The following GOLGB1 variants were observed in gnomAD, a reference collection of about 807,000 sequenced individuals.
GOLGB1 encodes the protein golgin subfamily B member 1.
GOLGB1 carries 174 observed loss-of-function variants against 336.9 expected under a neutral mutation model. The ratio of observed to expected loss-of-function variants is 0.52; its 90% CI spans 0.46 to 0.59. GOLGB1 has a LOEUF of 0.59. Ranked by LOEUF, GOLGB1 falls within the 20% of genes least tolerant of loss-of-function variation. The pLI is 0.00. For synonymous variants in GOLGB1, 1,208 were observed against 1,289.2 expected, an observed-to-expected ratio of 0.94 and a Z score of 1.35; for missense variants, 3,331 against 3,645.3, an observed-to-expected ratio of 0.91 and a Z score of 2.22.
chr3:121,694,342 A>G lies in GOLGB1; in HGVS notation c.6181T>C (p.Leu2061=), dbSNP rs746175109. ...EFVQTESQKD[L]EITKENLAQA... The stretch of plus-strand genomic sequence containing the variant: ...GCCAGATTTTCTTTGGTTATTTCCA[A>G]ATCTTTTTGAGATTCAGTTTGAACA... Residue 2061 remains leucine, a synonymous_variant, in exon 13 of 22, where the codon TTG becomes CTG. Coordinates refer to ENST00000614479, the MANE Select transcript of GOLGB1 (RefSeq NM_001366282.2). The G allele has an allele frequency of 1.2e-6, 2 of 1,612,212 alleles. No homozygotes were observed. Among genetic ancestry groups the G allele is most frequent in the African/African-American group, 2.7e-5 (2 of 74,914 alleles).
chr3:121,673,436 A>C (rs748477364), intron 17 of GOLGB1, among the ~76,000 whole-genome samples: 20 of 151,832 alleles, frequency 1.3e-4, no homozygotes, highest in Non-Finnish European at 2.1e-4. Context: ...ATACATATTA[A>C]ATTTTTTTTC....
chr3:121,725,009 A>T (rs777343042), intron 5 of GOLGB1, among the ~76,000 whole-genome samples: 6 of 152,180 alleles, frequency 3.9e-5, no homozygotes, highest in Non-Finnish European at 5.9e-5. Flanking sequence ...AGAGCTGTGG[A>T]GGCTTGGTAG....
chr3:121,697,522 G>GGA lies in GOLGB1; in HGVS notation c.2999_3000dup (p.Gln1001SerfsTer22). The GGA allele has an allele frequency of 6.2e-7, 1 of 1,613,516 alleles. No homozygotes were observed. Among genetic ancestry groups the GGA allele is most frequent in the East Asian group, 2.2e-5 (1 of 44,852 alleles). On this transcript the variant is annotated frameshift_variant, in exon 13 of 22. Transcript: ENST00000614479. LOFTEE classifies it high-confidence loss of function. ...TCCTTTCTGTTAATAAGAGCTGCCT[G>GGA]GAGCTTTCTCTTTCTCTGCTCATTT...
chr3:121,685,322 G>T (rs2107708396), intron 14 of GOLGB1, among the ~76,000 whole-genome samples: 1 of 152,160 alleles, frequency 6.6e-6, no homozygotes, highest in Non-Finnish European at 1.5e-5. Flanking sequence ...GGATCACGAG[G>T]TCAAAAGATT....
intron 17 of GOLGB1, among the ~76,000 whole-genome samples, chr3:121,674,333 C>T (rs891909909): frequency 6.6e-6 from 1 of 151,906 alleles, no homozygotes; most frequent in Non-Finnish European, 1.5e-5. Flanking sequence ...TGTCTTATTT[C>T]AGATCTTAGA....
At position 121,696,541 on chromosome 3, in the gene GOLGB1, A is replaced by G. The variant is rs767112862; in HGVS notation, c.3982T>C (p.Leu1328=). 19 of 1,614,010 alleles carry G rather than the reference A, an allele frequency of 1.2e-5. No individual in the cohort carries two copies. Among genetic ancestry groups the G allele is most frequent in the East Asian group, 2.2e-5 (1 of 44,902 alleles). The part of the protein sequence containing the change: ...EIEAEKVELE[L]KVSSTTSELT... Reference sequence around the variant, plus strand: ...TCACTTGTTGTAGAACTAACTTTCAATTCTAACTCTACTTTCTCAGCCTCT... The same window carrying G: ...TCACTTGTTGTAGAACTAACTTTCAGTTCTAACTCTACTTTCTCAGCCTCT... The change falls in exon 13 of 22, where the codon TTG becomes CTG. Residue 1328 remains leucine (L), a synonymous_variant. Transcript: ENST00000614479.
chr3:121,710,328 T>G (rs373336874), intron 10 of GOLGB1, among the ~76,000 whole-genome samples: 2 of 152,052 alleles, frequency 1.3e-5, no homozygotes, highest in South Asian at 2.1e-4. Flanking sequence ...AAAGGGAACA[T>G]ATTATGAGGC....
Position 121,719,633 on chromosome 3 carries a change from T to C in GOLGB1, c.771+13A>G. ...CAAAATGACAGTCATTCTACCGAGT[T>C]TTAGCAACACACCTGTTGCATCTCT... is the stretch of plus-strand genomic sequence containing the variant. On this transcript the variant is annotated intron_variant, in intron 7 of 21. Coordinates refer to ENST00000614479, the MANE Select transcript of GOLGB1 (RefSeq NM_001366282.2). 6.3e-7 allele frequency: 1 copy of C among 1,596,334 alleles called. No individual in the cohort carries two copies. The highest frequency in any genetic ancestry group is 8.5e-7 in the Non-Finnish European group (1 of 1,171,318).
At chr3:121,676,579 G>A (rs951898858) in intron 17 of GOLGB1, among the ~76,000 whole-genome samples, 1 of 152,236 alleles carries the variant, frequency 6.6e-6, no homozygotes, top group African/African-American at 2.4e-5. Flanking sequence ...TCTTAAGAGG[G>A]TGGGGTAGGG....
At chr3:121,672,896 A>G (rs1231050001) in intron 17 of GOLGB1, among the ~76,000 whole-genome samples, 1 of 152,170 alleles carries the variant, frequency 6.6e-6, no homozygotes, top group African/African-American at 2.4e-5. Flanking sequence ...TCCTTTCTCC[A>G]TCATATGTTC....
chr3:121,721,104 TA>T, intron 6 of GOLGB1, among the ~76,000 whole-genome samples: 1 of 151,842 alleles, frequency 6.6e-6, no homozygotes, highest in East Asian at 1.9e-4. Context: ...AAGGACACAA[TA>T]AAAAATAAAT....
At chr3:121,681,078 A>G (rs1264108022) in intron 15 of GOLGB1, among the ~76,000 whole-genome samples, 1 of 152,228 alleles carries the variant, frequency 6.6e-6, no homozygotes, top group East Asian at 1.9e-4. Flanking sequence ...ATTAAAAACA[A>G]TATGCATGTC....
chr3:121,717,289 T>C, intron 8 of GOLGB1, 150 bp from the exon 9 acceptor site: 1 of 662,370 alleles, frequency 1.5e-6, no homozygotes, highest in Non-Finnish European at 2.5e-6. Context: ...GAGTTGAAAA[T>C]TAAGAAGAGA....
chr3:121,695,060 T>A lies in GOLGB1; in HGVS notation c.5463A>T (p.Pro1821=). 6.2e-7 allele frequency: 1 copy of A among 1,614,136 alleles called. No individual in the cohort carries two copies. The highest frequency in any genetic ancestry group is 8.5e-7 in the Non-Finnish European group (1 of 1,180,022). ...CAGCAGGGTTGGCACTCTTCGCTGATGGAACCGATTCTGAACATGTAGGTC... is the reference window on the plus strand; with the variant it reads ...CAGCAGGGTTGGCACTCTTCGCTGAAGGAACCGATTCTGAACATGTAGGTC... ...STRPTCSESV[P]SAKSANPAVS... Residue 1821 remains proline (P), a synonymous_variant, in exon 13 of 22, where the codon CCA becomes CCT. Coordinates refer to ENST00000614479, the MANE Select transcript of GOLGB1 (RefSeq NM_001366282.2).
chr3:121,741,801 A>G (rs1292128428), intron 1 of GOLGB1, among the ~76,000 whole-genome samples: 1 of 152,180 alleles, frequency 6.6e-6, no homozygotes, highest in Non-Finnish European at 1.5e-5. Flanking sequence ...GAAGCAATGA[A>G]TATCTCTAGT....
intron 10 of GOLGB1, among the ~76,000 whole-genome samples, chr3:121,711,168 T>G (rs975606443): frequency 6.6e-6 from 1 of 152,220 alleles, no homozygotes; most frequent in East Asian, 1.9e-4. Flanking sequence ...CACTCCAGCA[T>G]GGGCAACAGT....
rs567769952 is a variant in GOLGB1 at position 121,698,518 on chromosome 3, T to C, written c.2005A>G (p.Thr669Ala). 14 of 1,613,608 alleles carry C rather than the reference T, an allele frequency of 8.7e-6. No homozygotes were observed. The East Asian group carries it at 2.5e-4, about 28-fold the overall frequency. The change falls in exon 13 of 22, where the codon ACA becomes GCA. Residue 669 changes from threonine (T) to alanine (A), a missense_variant. Transcript: ENST00000614479. ...AGGGATTTATCACCATCCTGCTTTG[T>C]TGATTTCAATTCTACTCCAGCATCA... is the stretch of plus-strand genomic sequence containing the variant. ...LNDAGVELKS[T>A]KQDGDKSLSA...
At chr3:121,685,787 A>C (rs1941663971) in intron 14 of GOLGB1, among the ~76,000 whole-genome samples, 1 of 152,150 alleles carries the variant, frequency 6.6e-6, no homozygotes, top group African/African-American at 2.4e-5. Flanking sequence ...AGGTAGTGCT[A>C]CTCTTAGCTT....
intron 2 of GOLGB1, 32 bp downstream of exon 2, chr3:121,730,844 T>C (rs747136424): frequency 6.3e-7 from 1 of 1,591,396 alleles, no homozygotes; most frequent in South Asian, 1.1e-5. Context: ...AACATATGTC[T>C]TACCAGTTTA....
Sources: gnomAD v4.1 joint callset for allele counts (sites outside exome capture counted in the v4.1 genomes callset) on GRCh38, gnomAD v4.1.1 for gene constraint, MANE v1.5 for transcripts, NCBI Gene and HGNC (gene_info 2026-07-23, HGNC 2026-07-21) for gene names.